PACRGL: variants seen among roughly 807,000 people sequenced by gnomAD.
PACRGL encodes PACRG-like protein.
Under a neutral mutation model 34.5 loss-of-function variants are expected in PACRGL, and 38 were observed. The observed-to-expected ratio is 1.10, with a 90% CI of 0.85 to 1.44. PACRGL has a LOEUF of 1.44. Ranked by LOEUF, PACRGL falls within the 40% of genes most tolerant of loss-of-function variation. The pLI is 0.00. For missense variants in PACRGL, 305 were observed against 281.4 expected (o/e 1.08, Z -0.60); for synonymous variants, 128 against 100.1 (o/e 1.28, Z -1.66).
Position 20,731,789 on chromosome 4 carries a change from G to A in PACRGL, c.*4448G>A. The A allele has an allele frequency of 1.0e-6, 1 of 985,338 alleles. No individual in the cohort carries two copies. The highest frequency in any genetic ancestry group is 1.2e-6 in the Non-Finnish European group (1 of 829,910). 61.0% of individuals were successfully genotyped at this position (985,338 alleles called of 1,614,324 possible). On this transcript the variant is annotated 3_prime_UTR_variant, in exon 9 of 9. Transcript: ENST00000503585. ...TACATGTACAACTTTTGTATCCCCA[G>A]GGTTTCCTCCATAGCCTGACTCAGT...
At chr4:20,762,009 A>G in the PACRGL span, among the ~76,000 whole-genome samples, 10 of 152,200 alleles carry the variant, frequency 6.6e-5, no homozygotes, top group African/African-American at 1.9e-4. Flanking sequence ...CCTCTATCCA[A>G]CTAGAAGAAT....
In PACRGL at chr4:20,746,522, T is replaced by TA. The variant is rs553423842; in HGVS notation, c.*57-6033dup. Among the ~76,000 whole-genome samples the TA allele has an allele frequency of 3.1e-3, 459 of 149,506 alleles. 11 individuals carry two copies. In the South Asian group the frequency reaches 0.051, roughly 17 times the overall value. On this transcript the variant is annotated intron_variant, in intron 8 of 8. Transcript: ENST00000507634. ...TGTATCCCAGAACTTAAAGTATAAT[T>TA]AAAAAAAAAATCCCCCAACTGATAA...
chr4:20,762,084 G>T, the PACRGL span, among the ~76,000 whole-genome samples: 1 of 152,116 alleles, frequency 6.6e-6, no homozygotes, highest in East Asian at 1.9e-4. Context: ...ATAAACAATA[G>T]AAATTTATTT....
At chr4:20,756,511 C>T (rs1754466764), downstream of PACRGL, among the ~76,000 whole-genome samples, 1 of 152,158 alleles carries the variant, frequency 6.6e-6, no homozygotes, top group Non-Finnish European at 1.5e-5. Context: ...CCACTGGTAT[C>T]TACCCAGCAC....
chr4:20,756,348 C>G (rs1754443121), downstream of PACRGL, among the ~76,000 whole-genome samples: 1 of 152,164 alleles, frequency 6.6e-6, no homozygotes, highest in South Asian at 2.1e-4. Flanking sequence ...ATGGACTCCA[C>G]TATCCCATCG....
downstream of PACRGL, among the ~76,000 whole-genome samples, chr4:20,735,868 G>A (rs150327508): frequency 1.1e-3 from 167 of 152,216 alleles, 1 homozygote; most frequent in African/African-American, 3.8e-3. Context: ...CAGGGTTAAC[G>A]TTACAATGTG....
In PACRGL at chr4:20,731,358, G is replaced by A. The variant is rs1249485299; in HGVS notation, c.*4017G>A. 3 of 974,380 alleles carry A rather than the reference G, an allele frequency of 3.1e-6. No homozygotes were observed. Among genetic ancestry groups the A allele is most frequent in the East Asian group, 1.1e-4 (1 of 8,780 alleles). The allele number at this position is 974,380 out of a possible 1,614,324, so 60.4% of individuals were successfully genotyped here. A position where few individuals can be genotyped will look rare whatever the true frequency, so the allele number is the denominator to read the frequency against. Reference sequence around the variant, plus strand: ...CATAGTGCTGGGATTACAGTTGTGAGCTACTGTACCAGGCCTTAACAATTT... The same window carrying A: ...CATAGTGCTGGGATTACAGTTGTGAACTACTGTACCAGGCCTTAACAATTT... On this transcript the variant is annotated 3_prime_UTR_variant, in exon 9 of 9. Coordinates refer to ENST00000503585, the MANE Select transcript of PACRGL (RefSeq NM_001258345.3).
chr4:20,759,432 T>C, the PACRGL span, among the ~76,000 whole-genome samples: 2 of 152,136 alleles, frequency 1.3e-5, no homozygotes, highest in African/African-American at 2.4e-5. Context: ...TTGGGTGAGA[T>C]AGAACCCCAT....
intron 7 of PACRGL, chr4:20,716,192 T>A: frequency 9.4e-7 from 1 of 1,062,852 alleles, no homozygotes; most frequent in South Asian, 1.4e-5. Context: ...GGAAAGCTGT[T>A]ACTGGCTGTT....
intron 7 of PACRGL, among the ~76,000 whole-genome samples, chr4:20,724,571 C>T (rs1490755583): frequency 6.6e-6 from 1 of 152,140 alleles, no homozygotes; most frequent in Non-Finnish European, 1.5e-5. Context: ...AGAAACCTTA[C>T]TTCAGATAGC....
chr4:20,758,991 C>A, the PACRGL span: 2 of 805,922 alleles, frequency 2.5e-6, no homozygotes, highest in Non-Finnish European at 2.0e-6. Context: ...AAAGCTGCAC[C>A]AAGAAAATTA....
rs868141180 is a variant in PACRGL at position 20,709,770 on chromosome 4, T to A, written c.363T>A (p.Ala121=). The change falls in exon 5 of 9, where the codon GCT becomes GCA. Residue 121 remains alanine, a synonymous_variant. Coordinates refer to ENST00000503585, the MANE Select transcript of PACRGL (RefSeq NM_001258345.3). ...LSFDPLLITL[A]EGLRETKHPY... is the part of the protein sequence containing the mutation. Reference sequence around the variant, plus strand: ...TTGATCCACTTCTTATTACTTTAGCTGAGGTAAATATGCCATCTCTTGAAT... The same window carrying A: ...TTGATCCACTTCTTATTACTTTAGCAGAGGTAAATATGCCATCTCTTGAAT... 12 of 1,588,840 alleles carry A rather than the reference T, an allele frequency of 7.6e-6. No individual in the cohort carries two copies. The Middle Eastern group carries it at 1.5e-3, about 199-fold the overall frequency.
the PACRGL span, among the ~76,000 whole-genome samples, chr4:20,765,987 A>G: frequency 6.6e-6 from 1 of 152,202 alleles, no homozygotes; most frequent in African/African-American, 2.4e-5. Flanking sequence ...CTATTGTAAT[A>G]ATCAGCATAA....
intron 7 of PACRGL, among the ~76,000 whole-genome samples, chr4:20,714,266 C>G (rs945599533): frequency 2.0e-5 from 3 of 152,224 alleles, no homozygotes; most frequent in Non-Finnish European, 2.9e-5. Flanking sequence ...CCTTCTTTGT[C>G]TCTTTTGATC....
chr4:20,734,091 TA>T (rs1399071730), downstream of PACRGL, among the ~76,000 whole-genome samples: 2 of 152,216 alleles, frequency 1.3e-5, no homozygotes, highest in African/African-American at 4.8e-5. Context: ...GTGGTTAACT[TA>T]CTCCATCCCT....
At chr4:20,737,106 G>C (rs12651545), downstream of PACRGL, among the ~76,000 whole-genome samples, 354 of 152,254 alleles carry the variant, frequency 2.3e-3, 8 homozygotes, top group South Asian at 0.046. Flanking sequence ...ACCATACTTA[G>C]TTTGCTTCCC....
the PACRGL span, chr4:20,758,930 C>G: frequency 1.6e-5 from 25 of 1,554,548 alleles, no homozygotes; most frequent in Non-Finnish European, 2.2e-5. Context: ...GCAAAGTGTT[C>G]ATAAAACTGA....
the PACRGL span, among the ~76,000 whole-genome samples, chr4:20,759,399 A>G: frequency 4.1e-4 from 63 of 152,300 alleles, no homozygotes; most frequent in African/African-American, 1.4e-3. Flanking sequence ...CATACCCAAG[A>G]CATGGTTTTG....
downstream of PACRGL, chr4:20,734,793 A>AC (rs1560410178): frequency 1.0e-6 from 1 of 981,856 alleles, no homozygotes; most frequent in Non-Finnish European, 1.5e-6. Context: ...AAAAACAAAA[A>AC]AAACAAATGA....
Sources: allele counts gnomAD v4.1 joint callset (sites outside exome capture counted in the v4.1 genomes callset), GRCh38; gene constraint gnomAD v4.1.1; transcripts MANE v1.5; gene names NCBI Gene and HGNC (gene_info 2026-07-23, HGNC 2026-07-21).